Variants in ANK2 observed in about 807,000 individuals in gnomAD.
The protein encoded by ANK2 is ankyrin-2.
ANK2 carries 83 observed loss-of-function variants against 360.5 expected under a neutral mutation model. The observed-to-expected ratio is 0.23, with a 90% CI of 0.19 to 0.28. The LOEUF (loss-of-function observed/expected upper bound fraction) is 0.28, where lower values mean the gene tolerates loss of function less well. Among genes scored for constraint, ANK2 ranks in the 10% least tolerant of loss-of-function variants. The pLI is 1.00. For synonymous variants in ANK2, 1,740 were observed against 1,759.5 expected (o/e 0.99, Z 0.28); for missense variants, 4,201 against 4,795.7 (o/e 0.88, Z 3.66).
At position 113,222,482 on chromosome 4, in the gene ANK2, T is replaced by G. The variant is rs184505919; in HGVS notation, c.385-9679T>G. On this transcript the variant is annotated intron_variant, in intron 4 of 45. Transcript: ENST00000357077. ...TGCAACCTCGGCTCACCGCAACCTC[T>G]GCTTCCTTGGTTTCAGCAATTATCC... 1.7e-3 allele frequency among the ~76,000 whole-genome samples: 262 copies of G among 151,330 alleles called. 2 individuals carry two copies. Among genetic ancestry groups the G allele is most frequent in the African/African-American group, 6.1e-3 (253 of 41,242 alleles).
chr4:112,826,112 T>C (rs970388851), intron 1 of ANK2, among the ~76,000 whole-genome samples: 6 of 152,186 alleles, frequency 3.9e-5, no homozygotes, highest in African/African-American at 1.4e-4. Flanking sequence ...TGCTGAGCAC[T>C]TTCCATATGC....
chr4:112,939,444 G>A (rs1254122928), intron 2 of ANK2, among the ~76,000 whole-genome samples: 1 of 151,806 alleles, frequency 6.6e-6, no homozygotes, highest in African/African-American at 2.4e-5. Flanking sequence ...CAAGTAGCTG[G>A]GATTACAGGC....
chr4:112,838,842 C>T (rs775620420), intron 1 of ANK2, among the ~76,000 whole-genome samples: 3 of 152,250 alleles, frequency 2.0e-5, no homozygotes, highest in Non-Finnish European at 2.9e-5. Flanking sequence ...GCACTCCAGC[C>T]TGGGTGATAT....
In ANK2 at chr4:113,199,127, T is replaced by C; in HGVS notation, c.384+18T>C. On this transcript the variant is annotated intron_variant, in intron 4 of 45. Transcript: ENST00000357077. ...AGTCTCAGGTATTCCATTCAGATTT[T>C]CCCTGATGTACATACATTTAAATTA... 1 of 1,567,574 alleles carries C rather than the reference T, an allele frequency of 6.4e-7. No individual in the cohort carries two copies. Among genetic ancestry groups the C allele is most frequent in the East Asian group, 2.2e-5 (1 of 44,596 alleles).
chr4:113,127,685 G>A (rs1028077452), intron 1 of ANK2, among the ~76,000 whole-genome samples: 5 of 152,048 alleles, frequency 3.3e-5, no homozygotes, highest in Admixed American at 3.3e-4. Context: ...GAAGGGGTTG[G>A]AAATAAAGTT....
chr4:113,173,867 C>T (rs999496817), intron 1 of ANK2, among the ~76,000 whole-genome samples: 2 of 152,184 alleles, frequency 1.3e-5, no homozygotes, highest in East Asian at 1.9e-4. Context: ...TATCCCCTTT[C>T]CTCAAAGCAC....
intron 22 of ANK2, among the ~76,000 whole-genome samples, chr4:113,294,623 G>A (rs542389240): frequency 2.0e-5 from 3 of 152,262 alleles, no homozygotes; most frequent in South Asian, 4.1e-4. Context: ...TTGGTTTAAC[G>A]TGCAGTTTTA....
At chr4:112,841,530 T>C (rs2062076086) in intron 1 of ANK2, among the ~76,000 whole-genome samples, 1 of 152,190 alleles carries the variant, frequency 6.6e-6, no homozygotes, top group Non-Finnish European at 1.5e-5. Context: ...GAAGGTGCAT[T>C]GAATCAGAAG....
At position 113,035,905 on chromosome 4, in the gene ANK2, T is replaced by A. The variant is rs1016315702; in HGVS notation, c.21+131391T>A. Among the ~76,000 whole-genome samples, 17 of 152,076 alleles carry A rather than the reference T, an allele frequency of 1.1e-4. No homozygotes were observed. In the East Asian group the frequency reaches 3.3e-3, roughly 29 times the overall value. On this transcript the variant is annotated intron_variant, in intron 2 of 30. Transcript: ENST00000503271. ...AGACGTTCAAACATAGATTTTAAAA[T>A]TTTCTGTCCAAATTAGTGGGTAAAA...
Position 113,356,635 on chromosome 4 carries a change from C to A in ANK2, c.8017C>A (p.Leu2673Ile). The A allele has an allele frequency of 6.2e-7, 1 of 1,614,058 alleles. No homozygotes were observed. Among genetic ancestry groups the A allele is most frequent in the Non-Finnish European group, 8.5e-7 (1 of 1,179,976 alleles). Residue 2673 changes from leucine (L) to isoleucine (I), a missense_variant, in exon 38 of 46, where the codon CTT becomes ATT. This residue lies in a region of ANK2 where 2,642 missense variants were observed against 2,714.5 expected (regional missense o/e 0.97). Transcript: ENST00000357077. ...SSESEPELAQLKKGADSGLLP... is the reference protein window; with the variant it reads ...SSESEPELAQIKKGADSGLLP... Reference sequence around the variant, plus strand: ...AGAAAGTGAACCTGAGTTGGCACAGCTTAAAAAAGGTGCTGACTCAGGCCT... The same window carrying A: ...AGAAAGTGAACCTGAGTTGGCACAGATTAAAAAAGGTGCTGACTCAGGCCT...
intron 2 of ANK2, among the ~76,000 whole-genome samples, chr4:112,947,585 C>G (rs1447498777): frequency 6.6e-6 from 1 of 151,402 alleles, no homozygotes; most frequent in East Asian, 1.9e-4. Flanking sequence ...TAGTAACTAC[C>G]CAGAGAGCTA....
rs186630140 is a variant in ANK2 at position 112,969,157 on chromosome 4, A to G, written c.21+64643A>G. ...AGGCTTTATTTATAGTTAATGAATG[A>G]TGGTATCTAAACCCTTCAGACCCTA... On this transcript the variant is annotated intron_variant, in intron 2 of 30. Transcript: ENST00000503271. Among the ~76,000 whole-genome samples, 470 of 152,330 alleles carry G rather than the reference A, an allele frequency of 3.1e-3. 1 individual carries two copies. The highest frequency in any genetic ancestry group is 0.011 in the African/African-American group (438 of 41,582).
the ANK2 span, among the ~76,000 whole-genome samples, chr4:112,726,865 A>G: frequency 2.0e-5 from 3 of 151,578 alleles, no homozygotes; most frequent in Non-Finnish European, 1.5e-5. Context: ...AAAAAAAAAA[A>G]AAAAAGAATT....
chr4:113,245,166 T>A (rs1348888048), intron 9 of ANK2, among the ~76,000 whole-genome samples: 1 of 152,164 alleles, frequency 6.6e-6, no homozygotes, highest in Non-Finnish European at 1.5e-5. Flanking sequence ...CTTTTCATTC[T>A]GGCTACAGCT....
chr4:112,710,943 A>ATATTTATT, the ANK2 span, among the ~76,000 whole-genome samples: 1,329 of 142,536 alleles, frequency 9.3e-3, 21 homozygotes, highest in African/African-American at 0.032. Context: ...GATTACATTT[A>ATATTTATT]TATTTATTTA....
At chr4:113,288,364 T>A (rs781764604) in intron 19 of ANK2, 24 bp from the exon 20 acceptor site, 4 of 1,592,778 alleles carry the variant, frequency 2.5e-6, no homozygotes, top group Middle Eastern at 1.7e-4. Context: ...TTATCTATTT[T>A]TAACTTTTTA....
At chr4:112,746,976 A>G in the ANK2 span, among the ~76,000 whole-genome samples, 1 of 152,220 alleles carries the variant, frequency 6.6e-6, no homozygotes, top group Non-Finnish European at 1.5e-5. Flanking sequence ...ACAAATTTCA[A>G]TTTCTATTAT....
At chr4:113,075,777 TCAA>T (rs1233060507) in intron 1 of ANK2, among the ~76,000 whole-genome samples, 16 of 152,356 alleles carry the variant, frequency 1.1e-4, no homozygotes, top group African/African-American at 3.6e-4. Flanking sequence ...CGGCAGCCTA[TCAA>T]CAAATAATTA....
At chr4:113,194,429 T>G (rs569604422) in intron 2 of ANK2, among the ~76,000 whole-genome samples, 1 of 152,148 alleles carries the variant, frequency 6.6e-6, no homozygotes, top group Non-Finnish European at 1.5e-5. Flanking sequence ...AGGCAGTCAA[T>G]GGGGAAAGTA....
Sources: allele counts gnomAD v4.1 joint callset (sites outside exome capture counted in the v4.1 genomes callset), GRCh38; gene constraint gnomAD v4.1.1; regional missense constraint gnomAD v4.1.1; transcripts MANE v1.5; gene names NCBI Gene and HGNC (gene_info 2026-07-23, HGNC 2026-07-21).